The following ITGBL1 variants were observed in gnomAD, a reference collection of about 807,000 sequenced individuals.
The protein encoded by ITGBL1 is integrin subunit beta like 1.
ITGBL1 carries 51 observed loss-of-function variants against 68.5 expected under a neutral mutation model. The observed-to-expected ratio is 0.74, with a 90% confidence interval of 0.59 to 0.94. The LOEUF is 0.94. Ranked by LOEUF, ITGBL1 falls within the 40% of genes least tolerant of loss-of-function variation. The pLI is 0.00. For synonymous variants in ITGBL1, 209 were observed against 227.3 expected (o/e 0.92, Z 0.72); for missense variants, 649 against 647.4 (o/e 1.00, Z -0.03).
chr13:101,605,651 T>C (rs139368608), intron 7 of ITGBL1, among the ~76,000 whole-genome samples: 5 of 151,826 alleles, frequency 3.3e-5, no homozygotes, highest in South Asian at 2.1e-4. Context: ...TGTGTATGCG[T>C]ATGCACGTAT....
intron 2 of ITGBL1, among the ~76,000 whole-genome samples, chr13:101,495,721 T>G (rs2048848358): frequency 6.6e-6 from 1 of 151,890 alleles, no homozygotes. Flanking sequence ...AGAAGAAGAT[T>G]AAGGGGGGGT....
chr13:101,508,921 C>T (rs984561161), intron 2 of ITGBL1, among the ~76,000 whole-genome samples: 12 of 151,912 alleles, frequency 7.9e-5, no homozygotes, highest in African/African-American at 2.4e-5. Flanking sequence ...AACTGGCTCC[C>T]GTTAGTAAAG....
At chr13:101,679,178 T>C (rs2033581149) in intron 7 of ITGBL1, among the ~76,000 whole-genome samples, 1 of 152,200 alleles carries the variant, frequency 6.6e-6, no homozygotes, top group Admixed American at 6.5e-5. Flanking sequence ...AGTGCTGGGA[T>C]TACAGGCGTG....
At chr13:101,458,868 C>T (rs1047198213) in intron 2 of ITGBL1, among the ~76,000 whole-genome samples, 2 of 151,996 alleles carry the variant, frequency 1.3e-5, no homozygotes, top group African/African-American at 4.8e-5. Flanking sequence ...CGTATGGTGC[C>T]CAAAAGCATG....
chr13:101,617,408 T>C (rs1042047816), intron 7 of ITGBL1, among the ~76,000 whole-genome samples: 17 of 152,094 alleles, frequency 1.1e-4, no homozygotes, highest in African/African-American at 4.1e-4. Context: ...AAGACAGTGA[T>C]CTTTGTTCTA....
chr13:101,529,087 C>G (rs2049429406), intron 2 of ITGBL1, among the ~76,000 whole-genome samples: 1 of 151,284 alleles, frequency 6.6e-6, no homozygotes, highest in South Asian at 2.1e-4. Context: ...GAAGACTAAA[C>G]TAGAAATATC....
In ITGBL1 at chr13:101,591,228, A is replaced by C. The variant is rs1330450427; in HGVS notation, c.869-6925A>C. 2.0e-5 allele frequency among the ~76,000 whole-genome samples: 3 copies of C among 152,202 alleles called. No individual in the cohort carries two copies. The East Asian group carries it at 5.8e-4, about 29-fold the overall frequency. On this transcript the variant is annotated intron_variant, in intron 6 of 10. Coordinates refer to ENST00000376180, the MANE Select transcript of ITGBL1 (RefSeq NM_004791.3). ...GGAACTTCTTAAACTGAGATGAATG[A>C]ATGGCAAAAGCCATAGAACCCAACA...
At position 101,453,906 on chromosome 13, in the gene ITGBL1, G is replaced by T. The variant is rs964509660; in HGVS notation, c.122G>T (p.Arg41Met). The T allele has an allele frequency of 2.1e-5, 27 of 1,264,098 alleles. No individual in the cohort carries two copies. The highest frequency in any genetic ancestry group is 2.8e-4 in the Middle Eastern group (1 of 3,594). The allele number at this position is 1,264,098 out of a possible 1,614,324, so 78.3% of individuals were successfully genotyped here. The change falls in exon 2 of 11, where the codon AGG becomes ATG. Residue 41 changes from arginine (R) to methionine (M), a missense_variant. Arg to Met is a moderately conservative substitution (Grantham distance 91). Coordinates refer to ENST00000376180, the MANE Select transcript of ITGBL1 (RefSeq NM_004791.3). ...SLRSWPGAACRLSRAESERRC... is the reference protein window; with the variant it reads ...SLRSWPGAACMLSRAESERRC... ...AGGAGCTGGCCGGGCGCCGCCTGCA[G>T]GCTGTCCCGGGCCGAGTCGGAGCGA...
At chr13:101,715,480 T>C (rs766061593) in intron 10 of ITGBL1, 83 bp from the exon 11 acceptor site, 2 of 917,504 alleles carry the variant, frequency 2.2e-6, no homozygotes, top group Admixed American at 1.8e-5. Flanking sequence ...GATTTCATTG[T>C]GGACACTTGT....
At chr13:101,604,979 C>T (rs374201488) in intron 7 of ITGBL1, among the ~76,000 whole-genome samples, 5 of 100,842 alleles carry the variant, frequency 5.0e-5, no homozygotes, top group Non-Finnish European at 8.9e-5. Flanking sequence ...TACATATATG[C>T]GTACATGTGT....
At chr13:101,701,077 A>C (rs1594991778) in intron 8 of ITGBL1, among the ~76,000 whole-genome samples, 2 of 152,234 alleles carry the variant, frequency 1.3e-5, no homozygotes, top group East Asian at 3.8e-4. Context: ...AGAGATAACT[A>C]AATTATTAGA....
chr13:101,578,222 A>G (rs925319720), intron 4 of ITGBL1, among the ~76,000 whole-genome samples: 1 of 152,146 alleles, frequency 6.6e-6, no homozygotes, highest in African/African-American at 2.4e-5. Context: ...CAGAAATACC[A>G]TAGTGTTAGA....
intron 2 of ITGBL1, among the ~76,000 whole-genome samples, chr13:101,513,476 G>T (rs1389203352): frequency 6.6e-6 from 1 of 151,960 alleles, no homozygotes; most frequent in Admixed American, 6.6e-5. Flanking sequence ...TTATTACATG[G>T]TGCCAAAATT....
intron 7 of ITGBL1, among the ~76,000 whole-genome samples, chr13:101,683,897 T>A (rs540748602): frequency 6.6e-6 from 1 of 152,098 alleles, no homozygotes; most frequent in Admixed American, 6.6e-5. Context: ...CTCCTGCCCA[T>A]GTCTTTAATG....
chr13:101,501,493 C>G (rs1326888395), intron 2 of ITGBL1, among the ~76,000 whole-genome samples: 1 of 152,160 alleles, frequency 6.6e-6, no homozygotes, highest in Non-Finnish European at 1.5e-5. Flanking sequence ...GAGAATGCAG[C>G]TGACACTGAC....
At chr13:101,520,443 T>G (rs2049266947) in intron 2 of ITGBL1, among the ~76,000 whole-genome samples, 1 of 152,116 alleles carries the variant, frequency 6.6e-6, no homozygotes, top group African/African-American at 2.4e-5. Flanking sequence ...TAGCCAATGA[T>G]AGAGAAAAAT....
intron 7 of ITGBL1, 97 bp from the exon 8 acceptor site, chr13:101,692,488 C>G (rs1015976790): frequency 5.1e-6 from 4 of 780,380 alleles, no homozygotes; most frequent in African/African-American, 5.1e-5. Flanking sequence ...TGGAACTATT[C>G]TAGGAGATTT....
chr13:101,658,902 A>C (rs779444362), intron 7 of ITGBL1, among the ~76,000 whole-genome samples: 1 of 145,104 alleles, frequency 6.9e-6, no homozygotes, highest in Non-Finnish European at 1.6e-5. Flanking sequence ...AAATAATAAA[A>C]ATATACATAT....
chr13:101,570,522 T>G (rs1047645796), intron 3 of ITGBL1, among the ~76,000 whole-genome samples: 4 of 152,140 alleles, frequency 2.6e-5, no homozygotes, highest in African/African-American at 9.7e-5. Context: ...TTTCTGCAAA[T>G]AGGCTTGTGT....
Sources: allele counts gnomAD v4.1 joint callset (sites outside exome capture counted in the v4.1 genomes callset), GRCh38; gene constraint gnomAD v4.1.1; transcripts MANE v1.5; gene names NCBI Gene and HGNC (gene_info 2026-07-23, HGNC 2026-07-21).